The following ANGPT2 variants were observed in gnomAD, a reference collection of about 807,000 sequenced individuals.
The protein encoded by ANGPT2 is angiopoietin 2, also known as angiopoietin-2.
ANGPT2 carries 28 observed loss-of-function variants against 62.9 expected under a neutral mutation model. That is an observed-to-expected ratio of 0.44 (90% CI 0.33 to 0.61). The LOEUF (loss-of-function observed/expected upper bound fraction) is 0.61. Ranked by LOEUF, ANGPT2 falls within the 20% of genes least tolerant of loss-of-function variation. ANGPT2 has a pLI of 0.03. For missense variants in ANGPT2, 727 were observed against 594.9 expected, an observed-to-expected ratio of 1.22 and a Z score of -2.31; for synonymous variants, 284 against 207.8, an observed-to-expected ratio of 1.37 and a Z score of -3.15.
intron 6 of ANGPT2, 21 bp from the exon 7 acceptor site, chr8:6,513,865 T>C: frequency 6.3e-7 from 1 of 1,581,668 alleles, no homozygotes. Context: ...AGTTGTTAAA[T>C]TCAATTATTT....
At position 6,562,888 on chromosome 8, in the gene ANGPT2, G is replaced by A; in HGVS notation, c.47C>T (p.Ala16Val). ...CTTCCGAAAGTTGTTATAGGCTGCG[G>A]CCAAGACAAGATCACAGCTCAGAGT... Reference protein sequence around the residue: ...FFTLSCDLVLAAAYNNFRKSM... With the variant: ...FFTLSCDLVLVAAYNNFRKSM... The change falls in exon 1 of 9, where the codon GCC (alanine) becomes GTC (valine). Residue 16 changes from alanine to valine, a missense_variant. Ala to Val is a moderately conservative substitution (Grantham distance 64). Transcript: ENST00000629816. The A allele has an allele frequency of 3.1e-6, 5 of 1,608,792 alleles. No individual in the cohort carries two copies. Among genetic ancestry groups the A allele is most frequent in the Admixed American group, 1.7e-5 (1 of 59,920 alleles).
At chr8:6,544,511 A>G (rs1268498019) in intron 1 of ANGPT2, among the ~76,000 whole-genome samples, 3 of 152,216 alleles carry the variant, frequency 2.0e-5, no homozygotes, top group African/African-American at 7.2e-5. Flanking sequence ...ACAAAATACC[A>G]GCTCTAGGGA....
At chr8:6,546,295 G>T (rs1822565859) in intron 1 of ANGPT2, among the ~76,000 whole-genome samples, 1 of 152,208 alleles carries the variant, frequency 6.6e-6, no homozygotes, top group Non-Finnish European at 1.5e-5. Context: ...GTCAGCCACT[G>T]GAAGAATTCA....
intron 1 of ANGPT2, among the ~76,000 whole-genome samples, chr8:6,541,058 A>G (rs1821466104): frequency 1.3e-5 from 2 of 152,256 alleles, no homozygotes; most frequent in African/African-American, 4.8e-5. Context: ...GGGTGTCCCG[A>G]GGCAGCTTGG....
chr8:6,511,327 A>G (rs1815048906), intron 7 of ANGPT2, among the ~76,000 whole-genome samples: 1 of 151,822 alleles, frequency 6.6e-6, no homozygotes, highest in Non-Finnish European at 1.5e-5. Context: ...GCCAGGGATG[A>G]TTTTATATAA....
chr8:6,544,524 T>C (rs562275898), intron 1 of ANGPT2, among the ~76,000 whole-genome samples: 1 of 152,306 alleles, frequency 6.6e-6, no homozygotes, highest in South Asian at 2.1e-4. Context: ...TCTAGGGATG[T>C]TTCCAAGTCA....
At chr8:6,532,587 A>G in intron 1 of ANGPT2, 100 bp from the exon 2 acceptor site, 1 of 892,444 alleles carries the variant, frequency 1.1e-6, no homozygotes. Flanking sequence ...AAAAAAAAAA[A>G]AAAAATCTAT....
intron 1 of ANGPT2, among the ~76,000 whole-genome samples, chr8:6,560,621 G>T (rs1356796375): frequency 6.6e-6 from 1 of 152,148 alleles, no homozygotes; most frequent in African/African-American, 2.4e-5. Flanking sequence ...TCATTCTTGG[G>T]GAAACGGTAT....
intron 1 of ANGPT2, among the ~76,000 whole-genome samples, chr8:6,553,978 C>T (rs9314604): frequency 0.11 from 16,122 of 151,904 alleles, 2,297 homozygotes; most frequent in African/African-American, 0.33. Flanking sequence ...CAGTTGGATA[C>T]TGTTAGTGAC....
At chr8:6,515,137 G>C (rs1383452257) in intron 5 of ANGPT2, among the ~76,000 whole-genome samples, 1 of 151,888 alleles carries the variant, frequency 6.6e-6, no homozygotes, top group South Asian at 2.1e-4. Context: ...GATTGGCCCC[G>C]AACCCCACAT....
intron 7 of ANGPT2, among the ~76,000 whole-genome samples, chr8:6,512,296 C>G (rs1176593398): frequency 6.6e-6 from 1 of 152,158 alleles, no homozygotes; most frequent in African/African-American, 2.4e-5. Flanking sequence ...TCCGTGCTGC[C>G]CACCACAATC....
At chr8:6,515,922 A>G (rs558900121) in intron 5 of ANGPT2, among the ~76,000 whole-genome samples, 10 of 152,272 alleles carry the variant, frequency 6.6e-5, no homozygotes, top group African/African-American at 2.2e-4. Flanking sequence ...CATTTCCTAC[A>G]TGAGGAAAGA....
chr8:6,529,882 G>GT (rs3045055), intron 2 of ANGPT2, among the ~76,000 whole-genome samples: 150 of 148,672 alleles, frequency 1.0e-3, no homozygotes, highest in Middle Eastern at 3.4e-3. Flanking sequence ...CACAATAGGC[G>GT]TTTTTTTTTT....
chr8:6,548,873 G>A (rs896441790), intron 1 of ANGPT2, among the ~76,000 whole-genome samples: 2 of 152,162 alleles, frequency 1.3e-5, no homozygotes, highest in South Asian at 4.1e-4. Flanking sequence ...TCCATTGGCT[G>A]TTGATAAAGT....
chr8:6,526,236 A>G (rs1326546724), intron 3 of ANGPT2, among the ~76,000 whole-genome samples: 1 of 141,622 alleles, frequency 7.1e-6, no homozygotes, highest in Non-Finnish European at 1.5e-5. Context: ...CCTGGGCAAT[A>G]TGGCAAAACC....
chr8:6,551,986 G>A (rs182976058), intron 1 of ANGPT2, among the ~76,000 whole-genome samples: 87 of 152,272 alleles, frequency 5.7e-4, no homozygotes, highest in Admixed American at 7.2e-4. Context: ...TCAGACTAAT[G>A]TTTATAATTA....
At chr8:6,519,304 C>T (rs979020581) in intron 5 of ANGPT2, among the ~76,000 whole-genome samples, 16 of 152,152 alleles carry the variant, frequency 1.1e-4, no homozygotes, top group African/African-American at 2.9e-4. Context: ...ACTGTGTTAG[C>T]GTTTGCTCAG....
chr8:6,562,616 G>A, intron 1 of ANGPT2, 31 bp downstream of exon 1: 3 of 1,197,470 alleles, frequency 2.5e-6, no homozygotes, highest in South Asian at 1.7e-5. Flanking sequence ...TTAATAGCAT[G>A]TTCACAAAGA....
chr8:6,560,608 A>T (rs1202376136), intron 1 of ANGPT2, among the ~76,000 whole-genome samples: 1 of 152,210 alleles, frequency 6.6e-6, no homozygotes, highest in Non-Finnish European at 1.5e-5. Flanking sequence ...GATAAACATT[A>T]AGTCATTCTT....
Sources: allele counts gnomAD v4.1 joint callset (sites outside exome capture counted in the v4.1 genomes callset), GRCh38; gene constraint gnomAD v4.1.1; transcripts MANE v1.5; gene names NCBI Gene and HGNC (gene_info 2026-07-23, HGNC 2026-07-21).